Variants in MARCHF8 observed in about 807,000 individuals in gnomAD.
The protein encoded by MARCHF8 is membrane associated ring-CH-type finger 8, also known as E3 ubiquitin-protein ligase MARCHF8.
MARCHF8 carries 40 observed loss-of-function variants against 51.6 expected under a neutral mutation model. That is an observed-to-expected ratio of 0.77 (90% CI 0.60 to 1.01). MARCHF8 has a LOEUF of 1.01. Ranked by LOEUF, MARCHF8 falls within the 50% of genes least tolerant of loss-of-function variation. The probability of loss-of-function intolerance (pLI) is 0.00; values close to 1 mark genes in which losing one functional copy is unlikely to be tolerated. For missense variants in MARCHF8, 685 were observed against 708.6 expected (o/e 0.97, Z 0.38); for synonymous variants, 263 against 280.3 (o/e 0.94, Z 0.62).
intron 2 of MARCHF8, 25 bp from the exon 3 acceptor site, chr10:45,489,442 A>C: frequency 6.3e-7 from 1 of 1,591,724 alleles, no homozygotes; most frequent in Non-Finnish European, 8.6e-7. Context: ...AACAGGTTTT[A>C]ATTATCAATC....
intron 3 of MARCHF8, among the ~76,000 whole-genome samples, chr10:45,479,776 T>C (rs1733471977): frequency 6.6e-6 from 1 of 152,228 alleles, no homozygotes; most frequent in Non-Finnish European, 1.5e-5. Flanking sequence ...TTATCCAGTC[T>C]TGGGTATGTC....
chr10:45,466,167 G>A (rs1842962914), intron 3 of MARCHF8, among the ~76,000 whole-genome samples: 1 of 152,122 alleles, frequency 6.6e-6, no homozygotes, highest in Admixed American at 6.5e-5. Flanking sequence ...TAGTACAATG[G>A]GCTTTACTGT....
upstream of MARCHF8, among the ~76,000 whole-genome samples, chr10:45,536,817 G>A (rs988103352): frequency 6.9e-5 from 10 of 145,450 alleles, no homozygotes; most frequent in Non-Finnish European, 1.0e-4. Flanking sequence ...GAAACATAGC[G>A]AGGCCCCATC....
intron 2 of MARCHF8, among the ~76,000 whole-genome samples, chr10:45,532,633 C>A (rs1215645280): frequency 6.6e-6 from 1 of 152,198 alleles, no homozygotes; most frequent in Non-Finnish European, 1.5e-5. Context: ...CAGAATCCAA[C>A]CATGCTGGCA....
Position 45,458,309 on chromosome 10 carries a change from C to T in MARCHF8, c.1652G>A (p.Cys551Tyr), listed in dbSNP as rs769824245. 3.8e-5 allele frequency: 61 copies of T among 1,613,986 alleles called. No individual in the cohort carries two copies. In the East Asian group the frequency reaches 1.3e-3, roughly 35 times the overall value. ...NFENKHGYGI[C>Y]HSDTNSSCCT... is the part of the protein sequence containing the mutation. ...ACAAGAAGAGTTTGTGTCGGAATGA[C>T]AGATTCCATATCCATGTTTATTTTC... Residue 551 changes from cysteine (C) to tyrosine (Y), a missense_variant, in exon 8 of 8, where the codon TGT (cysteine) becomes TAT (tyrosine). Cys to Tyr is a radical substitution (Grantham distance 194, BLOSUM62 -2). Transcript: ENST00000453424.
intron 2 of MARCHF8, among the ~76,000 whole-genome samples, chr10:45,506,234 TA>T (rs1169869297): frequency 1.3e-5 from 2 of 152,116 alleles, no homozygotes; most frequent in Non-Finnish European, 2.9e-5. Context: ...CAAGTTCACA[TA>T]AAAAAAGCAA....
chr10:45,543,797 CAAAAAAAAAAA>C (rs35514763), intron 1 of MARCHF8, among the ~76,000 whole-genome samples: 4 of 49,738 alleles, frequency 8.0e-5, no homozygotes, highest in Non-Finnish European at 1.5e-4. Flanking sequence ...GACTCCGTCT[CAAAAAAAAAAA>C]AAAAAAAAAA....
At chr10:45,546,513 G>A (rs887036301) in intron 1 of MARCHF8, among the ~76,000 whole-genome samples, 2 of 151,964 alleles carry the variant, frequency 1.3e-5, no homozygotes, top group East Asian at 3.9e-4. Flanking sequence ...CAGGAGTGGT[G>A]GCTCACACCT....
intron 1 of MARCHF8, among the ~76,000 whole-genome samples, chr10:45,566,774 G>A (rs1038347058): frequency 4.6e-5 from 7 of 151,384 alleles, no homozygotes; most frequent in South Asian, 2.1e-4. Flanking sequence ...TCTTTCTGGC[G>A]GGGGGAGGGG....
chr10:45,480,591 T>G (rs1012251860), intron 3 of MARCHF8, among the ~76,000 whole-genome samples: 1 of 152,076 alleles, frequency 6.6e-6, no homozygotes, highest in Non-Finnish European at 1.5e-5. Context: ...GCAGCCAGGG[T>G]ATAGTTCAGG....
intron 5 of MARCHF8, 38 bp downstream of exon 5, chr10:45,463,113 G>A (rs1842845670): frequency 3.9e-6 from 6 of 1,526,372 alleles, no homozygotes; most frequent in Non-Finnish European, 4.4e-6. Flanking sequence ...CCTGATGCGA[G>A]CAGAGATGGC....
At chr10:45,510,845 G>C (rs1223665020) in intron 2 of MARCHF8, among the ~76,000 whole-genome samples, 2 of 152,192 alleles carry the variant, frequency 1.3e-5, no homozygotes, top group African/African-American at 4.8e-5. Flanking sequence ...GGACTATGTG[G>C]AAGTGGAAGG....
At chr10:45,479,658 T>C (rs1238933665) in intron 3 of MARCHF8, among the ~76,000 whole-genome samples, 1 of 152,222 alleles carries the variant, frequency 6.6e-6, no homozygotes, top group African/African-American at 2.4e-5. Context: ...ATTTCTCCCT[T>C]GTCTGCCGCC....
chr10:45,497,131 A>G (rs1312818295), intron 2 of MARCHF8, among the ~76,000 whole-genome samples: 1 of 152,124 alleles, frequency 6.6e-6, no homozygotes, highest in Non-Finnish European at 1.5e-5. Context: ...AAAAAGATAC[A>G]TAGCACAAAA....
chr10:45,565,138 G>T (rs140882226), intron 1 of MARCHF8, among the ~76,000 whole-genome samples: 66 of 152,212 alleles, frequency 4.3e-4, no homozygotes, highest in African/African-American at 1.5e-3. Context: ...TAACATAGGT[G>T]TACATAAAAT....
At chr10:45,553,286 CTTT>C (rs1050267219) in intron 1 of MARCHF8, 3 of 152,146 alleles carry the variant, frequency 2.0e-5, no homozygotes, top group Non-Finnish European at 4.4e-5. Flanking sequence ...TCTCAATCTA[CTTT>C]AAACAGAGTG....
intron 1 of MARCHF8, among the ~76,000 whole-genome samples, chr10:45,541,184 T>G (rs1054084243): frequency 1.3e-5 from 2 of 152,100 alleles, no homozygotes; most frequent in African/African-American, 4.8e-5. Flanking sequence ...TGTCCAACAA[T>G]GATAGACTGG....
intron 1 of MARCHF8, among the ~76,000 whole-genome samples, chr10:45,548,503 T>C (rs1159140669): frequency 1.3e-5 from 2 of 152,210 alleles, no homozygotes; most frequent in Non-Finnish European, 2.9e-5. Flanking sequence ...ATGTCTGGGC[T>C]TTCTGAAAGA....
chr10:45,464,306 A>G lies in MARCHF8; in HGVS notation c.175T>C (p.Ser59Pro). 3 of 1,614,204 alleles carry G rather than the reference A, an allele frequency of 1.9e-6. No homozygotes were observed. Among genetic ancestry groups the G allele is most frequent in the Non-Finnish European group, 2.5e-6 (3 of 1,180,042 alleles). ...AAGGAGGACACCGGAGCCGGAGCTG[A>G]TGCTGACGGAGGACTCCCAGCCTGC... ...ISKAGSPPSA[S>P]APAPVSSFSR... The change falls in exon 4 of 8, where the codon TCA (serine) becomes CCA (proline). Residue 59 changes from serine to proline, a missense_variant. Ser to Pro is a moderately conservative substitution (Grantham distance 74, BLOSUM62 -1). Coordinates refer to ENST00000453424, the MANE Select transcript of MARCHF8 (RefSeq NM_001282866.2).
Sources: allele counts gnomAD v4.1 joint callset (sites outside exome capture counted in the v4.1 genomes callset), GRCh38; gene constraint gnomAD v4.1.1; transcripts MANE v1.5; gene names NCBI Gene and HGNC (gene_info 2026-07-23, HGNC 2026-07-21).